UBR3: variants seen among roughly 807,000 people sequenced by gnomAD.
UBR3 encodes the protein ubiquitin protein ligase E3 component n-recognin 3.
Under a neutral mutation model 243.2 loss-of-function variants are expected in UBR3, and 85 were observed. The observed-to-expected ratio is 0.35, with a 90% CI of 0.29 to 0.42. The LOEUF (loss-of-function observed/expected upper bound fraction) is 0.42. Among genes scored for constraint, UBR3 ranks in the 10% least tolerant of loss-of-function variants. The probability of loss-of-function intolerance (pLI) is 1.00; values close to 1 mark genes in which losing one functional copy is unlikely to be tolerated. For synonymous variants in UBR3, 748 were observed against 799.8 expected (o/e 0.94, Z 1.09); for missense variants, 1,686 against 2,300.8 (o/e 0.73, Z 5.47).
rs761629368 is a variant in UBR3, at chr2:170,079,881, C to T, written c.5267C>T (p.Thr1756Ile). The T allele has an allele frequency of 4.6e-5, 74 of 1,613,910 alleles. 1 individual carries two copies. The East Asian group carries it at 1.6e-3, about 35-fold the overall frequency. ...CTACAGTTGCCTGAGAATTATAACA[C>T]CATTTTTCAGTACTACCACAGAAAA... The part of the protein sequence containing the change: ...HLLQLPENYN[T>I]IFQYYHRKTC... The change falls in exon 37 of 39, where the codon ACC (threonine) becomes ATC (isoleucine). Residue 1756 changes from threonine to isoleucine, a missense_variant. Coordinates refer to ENST00000272793, the MANE Select transcript of UBR3 (RefSeq NM_172070.4).
At chr2:169,883,808 A>G (rs1292013486) in intron 5 of UBR3, among the ~76,000 whole-genome samples, 2 of 152,178 alleles carry the variant, frequency 1.3e-5, no homozygotes, top group Non-Finnish European at 2.9e-5. Flanking sequence ...ACATCAAGAG[A>G]ATAAAAACTT....
chr2:169,949,839 T>A lies in UBR3; in HGVS notation c.3319T>A (p.Tyr1107Asn). 6.4e-7 allele frequency: 1 copy of A among 1,569,056 alleles called. No homozygotes were observed. Among genetic ancestry groups the A allele is most frequent in the Non-Finnish European group, 8.7e-7 (1 of 1,155,228 alleles). Residue 1107 changes from tyrosine to asparagine, a missense_variant, in exon 23 of 39, where the codon TAC becomes AAC. Physicochemically the swap from Tyr to Asn is moderately radical, Grantham distance 143. Transcript: ENST00000272793. ...CAAACTCTCAGGAAAACAAAACTCC[T>A]ACTATCCTCCTTGGCTTGATGACAT... ...HHKLSGKQNS[Y>N]YPPWLDDIEI...
intron 19 of UBR3, among the ~76,000 whole-genome samples, chr2:169,940,633 G>A (rs942506400): frequency 1.3e-5 from 2 of 152,050 alleles, no homozygotes; most frequent in African/African-American, 4.8e-5. Context: ...TCTTAAAACT[G>A]TTTACCAATG....
chr2:169,866,362 G>GTTTTTT (rs781640089), intron 1 of UBR3, among the ~76,000 whole-genome samples: 1 of 148,528 alleles, frequency 6.7e-6, no homozygotes, highest in African/African-American at 2.5e-5. Context: ...AAGTTTTTTT[G>GTTTTTT]TTTTTTTGTT....
intron 11 of UBR3, among the ~76,000 whole-genome samples, chr2:169,914,596 A>G (rs1345594396): frequency 6.6e-6 from 1 of 152,220 alleles, no homozygotes; most frequent in Non-Finnish European, 1.5e-5. Flanking sequence ...ATTAGTGTTA[A>G]TAATGAGAAG....
chr2:169,914,709 G>T (rs186152585), intron 11 of UBR3, among the ~76,000 whole-genome samples: 3 of 152,110 alleles, frequency 2.0e-5, no homozygotes, highest in East Asian at 3.9e-4. Flanking sequence ...TATGAAGTAG[G>T]GTCAGAATAT....
intron 24 of UBR3, among the ~76,000 whole-genome samples, chr2:169,981,760 G>C (rs1003877072): frequency 1.3e-5 from 2 of 151,200 alleles, no homozygotes; most frequent in Admixed American, 6.6e-5. Flanking sequence ...ATGAAACTGT[G>C]GGGGGGAGGG....
chr2:169,965,455 A>G (rs1353505783), intron 24 of UBR3, among the ~76,000 whole-genome samples: 1 of 152,186 alleles, frequency 6.6e-6, no homozygotes, highest in Non-Finnish European at 1.5e-5. Flanking sequence ...ATCAAACCCC[A>G]TATATACTGT....
intron 5 of UBR3, among the ~76,000 whole-genome samples, chr2:169,885,292 G>T (rs1276779757): frequency 1.3e-5 from 2 of 152,140 alleles, no homozygotes; most frequent in East Asian, 3.9e-4. Flanking sequence ...ACAATTAAAA[G>T]ATATTTTGGC....
chr2:169,828,791 C>T (rs2081832191), intron 1 of UBR3, among the ~76,000 whole-genome samples: 1 of 152,206 alleles, frequency 6.6e-6, no homozygotes, highest in Non-Finnish European at 1.5e-5. Flanking sequence ...GTTAGGTCTT[C>T]TCCAGTTAAG....
chr2:170,073,160 A>G (rs1470158120), intron 35 of UBR3, among the ~76,000 whole-genome samples: 1 of 152,174 alleles, frequency 6.6e-6, no homozygotes, highest in Non-Finnish European at 1.5e-5. Context: ...TTAGATATAT[A>G]ACAACTCTAT....
intron 19 of UBR3, among the ~76,000 whole-genome samples, chr2:169,940,384 G>A (rs1044423927): frequency 2.0e-4 from 31 of 152,084 alleles, no homozygotes; most frequent in Middle Eastern, 3.4e-3. Context: ...AGAGCATAGC[G>A]CCTTAAAATG....
Position 169,884,582 on chromosome 2 carries a change from G to A in UBR3, c.1038+6008G>A, listed in dbSNP as rs138668472. Among the ~76,000 whole-genome samples, 560 of 152,230 alleles carry A rather than the reference G, an allele frequency of 3.7e-3. 13 individuals carry two copies. Among genetic ancestry groups the A allele is most frequent in the Admixed American group, 0.034 (513 of 15,282 alleles). Reference sequence around the variant, plus strand: ...GCTATGAAACTACTGTGACTCTTCCGCTAGTCTCTTTTTGGGGTTGTGTAT... The same window carrying A: ...GCTATGAAACTACTGTGACTCTTCCACTAGTCTCTTTTTGGGGTTGTGTAT... On this transcript the variant is annotated intron_variant, in intron 5 of 38. Coordinates refer to ENST00000272793, the MANE Select transcript of UBR3 (RefSeq NM_172070.4).
chr2:169,906,620 G>A (rs1318687902), intron 10 of UBR3, among the ~76,000 whole-genome samples: 2 of 151,960 alleles, frequency 1.3e-5, no homozygotes, highest in Non-Finnish European at 2.9e-5. Flanking sequence ...CCAGACAAAT[G>A]GAATCCCCTG....
At chr2:170,020,182 A>G (rs373793962) in intron 30 of UBR3, among the ~76,000 whole-genome samples, 59 of 152,252 alleles carry the variant, frequency 3.9e-4, no homozygotes, top group African/African-American at 1.2e-3. Flanking sequence ...AAAAATACCA[A>G]TTTCTGCAAG....
intron 32 of UBR3, among the ~76,000 whole-genome samples, chr2:170,045,055 T>TAAAG (rs1249693847): frequency 1.3e-5 from 2 of 152,148 alleles, no homozygotes; most frequent in Admixed American, 6.5e-5. Flanking sequence ...ATGCTGATAA[T>TAAAG]AAAGACACAT....
At chr2:170,015,124 CAGATAAATA>C in intron 29 of UBR3, 148 bp from the exon 30 acceptor site, 1 of 538,818 alleles carries the variant, frequency 1.9e-6, no homozygotes, top group Non-Finnish European at 3.3e-6. Flanking sequence ...TTCTAAATAT[CAGATAAATA>C]TGATTATTAC....
At chr2:169,849,449 C>G (rs1342732250) in intron 1 of UBR3, among the ~76,000 whole-genome samples, 1 of 152,162 alleles carries the variant, frequency 6.6e-6, no homozygotes, top group African/African-American at 2.4e-5. Context: ...TTCCTCCACA[C>G]ACACCTGGCT....
chr2:170,023,201 G>A (rs1234567347), intron 30 of UBR3, among the ~76,000 whole-genome samples: 2 of 151,602 alleles, frequency 1.3e-5, no homozygotes, highest in African/African-American at 4.9e-5. Context: ...TCAAACTCCT[G>A]GGCTCAAATA....
Sources: allele counts gnomAD v4.1 joint callset (sites outside exome capture counted in the v4.1 genomes callset), GRCh38; gene constraint gnomAD v4.1.1; transcripts MANE v1.5; gene names NCBI Gene and HGNC (gene_info 2026-07-23, HGNC 2026-07-21).